ATXN3: variants seen among roughly 807,000 people sequenced by gnomAD.
ATXN3 encodes the protein ataxin 3.
ATXN3 carries 28 observed loss-of-function variants against 58.2 expected under a neutral mutation model. The observed-to-expected ratio is 0.48, with a 90% CI of 0.36 to 0.66. The LOEUF (loss-of-function observed/expected upper bound fraction) is 0.66. Ranked by LOEUF, ATXN3 falls within the 30% of genes least tolerant of loss-of-function variation. The pLI is 0.00. For synonymous variants in ATXN3, 113 were observed against 138.5 expected (o/e 0.82, Z 1.29); for missense variants, 321 against 422.1 (o/e 0.76, Z 2.10).
chr14:92,081,490 A>AG (rs2061475438), intron 8 of ATXN3, among the ~76,000 whole-genome samples: 1 of 149,320 alleles, frequency 6.7e-6, no homozygotes, highest in Admixed American at 6.7e-5. Flanking sequence ...AAAAAAAGAA[A>AG]GAAAAAAAAA....
chr14:92,076,128 CATTACTGAATTATCGTTACTACT>C (rs2060302730), intron 9 of ATXN3, among the ~76,000 whole-genome samples: 1 of 152,106 alleles, frequency 6.6e-6, no homozygotes, highest in Non-Finnish European at 1.5e-5. Flanking sequence ...CATTATTGGA[CATTACTGAATTATCGTTACTACT>C]ATAAAAAGTT....
In ATXN3 at chr14:92,096,435, C is replaced by A. The variant is rs2065251391; in HGVS notation, c.189+239G>T. 3 of 831,190 alleles carry A rather than the reference C, an allele frequency of 3.6e-6. No homozygotes were observed. The South Asian group carries it at 5.7e-5, about 16-fold the overall frequency. The allele number at this position is 831,190 out of a possible 1,614,324, so 51.5% of individuals were successfully genotyped here. On this transcript the variant is annotated intron_variant, in intron 2 of 10. Transcript: ENST00000644486. ...GTCAGGAGTTTGAGACCAACCTGAC[C>A]AACATGGTGAAACCCCATCTCTAAC...
chr14:92,084,395 A>G (rs1355804812), intron 6 of ATXN3, among the ~76,000 whole-genome samples: 1 of 152,188 alleles, frequency 6.6e-6, no homozygotes, highest in Non-Finnish European at 1.5e-5. Flanking sequence ...AATACCTAAA[A>G]GCTATTTAAG....
upstream of ATXN3, among the ~76,000 whole-genome samples, chr14:92,051,718 C>CTTTTTTTTTTTTTTTTTTTTTTTTTTT (rs1160650510): frequency 3.6e-4 from 13 of 35,708 alleles, 4 homozygotes; most frequent in East Asian, 1.6e-3. Context: ...CTTTTCCTTT[C>CTTTTTTTTTTTTTTTTTTTTTTTTTTT]TTTTTTTTTT....
intron 10 of ATXN3, among the ~76,000 whole-genome samples, chr14:92,068,643 T>G (rs1429392774): frequency 6.6e-6 from 1 of 152,048 alleles, no homozygotes; most frequent in Non-Finnish European, 1.5e-5. Flanking sequence ...CAGGCTGGAG[T>G]GCAATGGTGC....
intron 1 of ATXN3, among the ~76,000 whole-genome samples, chr14:92,099,064 AAC>A (rs2066088043): frequency 6.6e-6 from 1 of 152,202 alleles, no homozygotes; most frequent in Non-Finnish European, 1.5e-5. Flanking sequence ...CCTCCCTGTG[AAC>A]ACAGACACCA....
downstream of ATXN3, among the ~76,000 whole-genome samples, chr14:92,057,562 C>G (rs1249881262): frequency 2.0e-5 from 3 of 152,146 alleles, no homozygotes; most frequent in East Asian, 5.8e-4. Context: ...GCCCTGAATT[C>G]ATTCTTGCAC....
chr14:92,089,717 G>A (rs1486003474), intron 5 of ATXN3, among the ~76,000 whole-genome samples: 1 of 152,148 alleles, frequency 6.6e-6, no homozygotes, highest in African/African-American at 2.4e-5. Flanking sequence ...AAAATGCATA[G>A]TCAGTAGTTT....
At chr14:92,095,433 G>A (rs1485856322) in intron 3 of ATXN3, among the ~76,000 whole-genome samples, 5 of 151,704 alleles carry the variant, frequency 3.3e-5, no homozygotes, top group Admixed American at 2.6e-4. Flanking sequence ...TAGTAGAGAC[G>A]GGGTTTCACC....
At chr14:92,104,922 CAAAAA>C (rs11308589) in intron 1 of ATXN3, among the ~76,000 whole-genome samples, 1 of 124,784 alleles carries the variant, frequency 8.0e-6, no homozygotes, top group African/African-American at 3.0e-5. Flanking sequence ...AACTCCATCT[CAAAAA>C]AAAAAAAAAA....
chr14:92,070,931 T>C lies in ATXN3; in HGVS notation c.991+4A>G. The C allele has an allele frequency of 1.2e-6, 2 of 1,612,720 alleles. No homozygotes were observed. The highest frequency in any genetic ancestry group is 1.7e-6 in the Non-Finnish European group (2 of 1,179,652). On this transcript the variant is annotated splice_donor_region_variant and intron_variant, in intron 10 of 10. Transcript: ENST00000644486. Reference sequence around the variant, plus strand: ...GAACATGATGAATGGTGAGCAGGCCTTACCTAGATCACTCCCAAGTGCTCC... The same window carrying C: ...GAACATGATGAATGGTGAGCAGGCCCTACCTAGATCACTCCCAAGTGCTCC...
downstream of ATXN3, among the ~76,000 whole-genome samples, chr14:92,057,880 A>AT (rs199829371): frequency 8.6e-5 from 13 of 150,840 alleles, no homozygotes; most frequent in Admixed American, 3.3e-4. Context: ...CATTGTCTCT[A>AT]TTTTTTTTTA....
downstream of ATXN3, among the ~76,000 whole-genome samples, chr14:92,053,986 A>C (rs1184974410): frequency 1.3e-5 from 2 of 150,668 alleles, no homozygotes; most frequent in African/African-American, 2.4e-5. Context: ...TCCAGGCTGG[A>C]GTGCATGGCG....
At chr14:92,056,381 A>G (rs1008366746), downstream of ATXN3, among the ~76,000 whole-genome samples, 4 of 152,248 alleles carry the variant, frequency 2.6e-5, no homozygotes, top group African/African-American at 9.6e-5. Flanking sequence ...TCTTTGATGG[A>G]TAAATGAATA....
chr14:92,083,581 C>G (rs1184250167), intron 6 of ATXN3: 1 of 427,194 alleles, frequency 2.3e-6, no homozygotes, highest in Admixed American at 3.2e-5. Context: ...TTACTGTTGT[C>G]AGAGTGGGTA....
intron 9 of ATXN3, among the ~76,000 whole-genome samples, chr14:92,072,889 A>C (rs1472106966): frequency 1.3e-5 from 2 of 152,206 alleles, no homozygotes; most frequent in African/African-American, 4.8e-5. Flanking sequence ...ACAATAAAGA[A>C]AGTTCAACTA....
rs553068814 is a variant in ATXN3, at chr14:92,074,105, T to A, written c.873-3052A>T. Among the ~76,000 whole-genome samples, 4 of 148,154 alleles carry A rather than the reference T, an allele frequency of 2.7e-5. No homozygotes were observed. In the South Asian group the frequency reaches 8.7e-4, roughly 32 times the overall value. On this transcript the variant is annotated intron_variant, in intron 9 of 10. Coordinates refer to ENST00000644486, the MANE Select transcript of ATXN3 (RefSeq NM_004993.6). The stretch of plus-strand genomic sequence containing the variant: ...ACTTTGGGAGGCTGAGGCGGGCAGA[T>A]CACCTGAGGTCAGGAGTTCAAGACC...
intron 2 of ATXN3, among the ~76,000 whole-genome samples, chr14:92,046,083 C>A (rs2057426318): frequency 6.6e-6 from 1 of 152,132 alleles, no homozygotes; most frequent in Non-Finnish European, 1.5e-5. Context: ...CTCTTTCTGC[C>A]CATATAACAG....
At chr14:92,074,936 T>C (rs949960999) in intron 9 of ATXN3, among the ~76,000 whole-genome samples, 1 of 152,238 alleles carries the variant, frequency 6.6e-6, no homozygotes, top group Non-Finnish European at 1.5e-5. Context: ...CCAACATGTA[T>C]GTATGGAATA....
Sources: allele counts gnomAD v4.1 joint callset (sites outside exome capture counted in the v4.1 genomes callset), GRCh38; gene constraint gnomAD v4.1.1; transcripts MANE v1.5; gene names NCBI Gene and HGNC (gene_info 2026-07-23, HGNC 2026-07-21).